Variants in PAPPA2 observed in about 807,000 individuals in gnomAD.
PAPPA2 encodes the protein pappalysin-2.
A neutral mutation model predicts 176.4 loss-of-function variants in PAPPA2; 86 were observed. The observed-to-expected ratio is 0.49, with a 90% CI of 0.41 to 0.58. The LOEUF is 0.58. Ranked by LOEUF, PAPPA2 falls within the 20% of genes least tolerant of loss-of-function variation. The probability of loss-of-function intolerance (pLI) is 0.00; values close to 1 mark genes in which losing one functional copy is unlikely to be tolerated. For synonymous variants in PAPPA2, 809 were observed against 852.2 expected (o/e 0.95, Z 0.88); for missense variants, 2,073 against 2,256.9 (o/e 0.92, Z 1.65).
intron 1 of PAPPA2, among the ~76,000 whole-genome samples, chr1:176,526,445 T>C (rs1460852937): frequency 2.0e-5 from 3 of 152,214 alleles, no homozygotes; most frequent in Non-Finnish European, 4.4e-5. Context: ...TTTGGGCTTG[T>C]TCTCTTTTGC....
chr1:176,748,370 A>T (rs757577639), intron 14 of PAPPA2, among the ~76,000 whole-genome samples: 1 of 152,240 alleles, frequency 6.6e-6, no homozygotes, highest in African/African-American at 2.4e-5. Flanking sequence ...AGGTCTTTTC[A>T]TAGAAATTCC....
At chr1:176,801,875 G>A (rs1665697289) in intron 21 of PAPPA2, among the ~76,000 whole-genome samples, 1 of 152,126 alleles carries the variant, frequency 6.6e-6, no homozygotes, top group South Asian at 2.1e-4. Context: ...CAGCACATCA[G>A]CGGGGTCACT....
intron 1 of PAPPA2, among the ~76,000 whole-genome samples, chr1:176,471,941 A>C (rs1015874903): frequency 3.3e-5 from 5 of 152,186 alleles, no homozygotes; most frequent in Non-Finnish European, 5.9e-5. Flanking sequence ...GGTGAAACTC[A>C]GAGTCTATCT....
intron 21 of PAPPA2, among the ~76,000 whole-genome samples, chr1:176,802,996 T>C (rs1665747728): frequency 6.6e-6 from 1 of 152,238 alleles, no homozygotes; most frequent in Non-Finnish European, 1.5e-5. Context: ...ACACGTATGC[T>C]ACATATCTGC....
intron 2 of PAPPA2, among the ~76,000 whole-genome samples, chr1:176,581,228 G>T (rs769672094): frequency 6.6e-6 from 1 of 151,958 alleles, no homozygotes; most frequent in Non-Finnish European, 1.5e-5. Flanking sequence ...TTTCCCTTCC[G>T]CAATCAATGT....
intron 17 of PAPPA2, 105 bp from the exon 18 acceptor site, chr1:176,789,704 G>A (rs987834296): frequency 5.3e-5 from 68 of 1,285,608 alleles, no homozygotes; most frequent in Non-Finnish European, 6.9e-5. Context: ...AGAACCATCT[G>A]TCCCTGCCTA....
chr1:176,474,165 A>T (rs1652009237), intron 1 of PAPPA2, among the ~76,000 whole-genome samples: 3 of 152,228 alleles, frequency 2.0e-5, no homozygotes, highest in Non-Finnish European at 2.9e-5. Flanking sequence ...TCATGTTATG[A>T]TGCAGTAACA....
chr1:176,775,900 T>A (rs551165100), intron 17 of PAPPA2, among the ~76,000 whole-genome samples: 21 of 152,322 alleles, frequency 1.4e-4, no homozygotes, highest in African/African-American at 4.8e-4. Context: ...TTAACACGTC[T>A]CTGAGACTTT....
chr1:176,659,622 A>G (rs773698061), intron 3 of PAPPA2, among the ~76,000 whole-genome samples: 1 of 152,148 alleles, frequency 6.6e-6, no homozygotes, highest in Admixed American at 6.6e-5. Flanking sequence ...TTCAAAAAAT[A>G]TAAGAACATT....
intron 12 of PAPPA2, among the ~76,000 whole-genome samples, chr1:176,715,768 A>T (rs1661341438): frequency 6.6e-6 from 1 of 152,114 alleles, no homozygotes; most frequent in Admixed American, 6.5e-5. Context: ...GACCCCTGGG[A>T]TGGCTTGGCC....
intron 17 of PAPPA2, among the ~76,000 whole-genome samples, chr1:176,778,047 T>TA (rs1664538555): frequency 7.0e-6 from 1 of 142,448 alleles, no homozygotes. Flanking sequence ...ACAAAACAAA[T>TA]TAAAAAAAAA....
chr1:176,488,695 A>ATGGT (rs1215119672), intron 1 of PAPPA2, among the ~76,000 whole-genome samples: 1 of 152,168 alleles, frequency 6.6e-6, no homozygotes, highest in Non-Finnish European at 1.5e-5. Flanking sequence ...TGAATGAAAC[A>ATGGT]TGGTTGTTCA....
intron 3 of PAPPA2, among the ~76,000 whole-genome samples, chr1:176,640,059 T>A (rs1339233262): frequency 1.3e-5 from 2 of 151,848 alleles, no homozygotes; most frequent in Non-Finnish European, 2.9e-5. Context: ...CTCAGGTTAT[T>A]CAAATTCAGA....
At chr1:176,653,740 T>A (rs374015541) in intron 3 of PAPPA2, among the ~76,000 whole-genome samples, 1 of 151,850 alleles carries the variant, frequency 6.6e-6, no homozygotes, top group South Asian at 2.1e-4. Flanking sequence ...CTCCGTCTCC[T>A]ACTCACTGCA....
chr1:176,758,260 T>A (rs1453344767), intron 14 of PAPPA2, among the ~76,000 whole-genome samples: 1 of 152,120 alleles, frequency 6.6e-6, no homozygotes, highest in Non-Finnish European at 1.5e-5. Flanking sequence ...CCAGCATTGG[T>A]CCTCCCAAGA....
chr1:176,797,714 T>C (rs935915609), intron 20 of PAPPA2, among the ~76,000 whole-genome samples: 4 of 152,046 alleles, frequency 2.6e-5, no homozygotes, highest in African/African-American at 9.7e-5. Flanking sequence ...GAGCCAGCCC[T>C]TCCCTGTCCA....
At chr1:176,666,600 T>TGA (rs1278287138) in intron 3 of PAPPA2, among the ~76,000 whole-genome samples, 6 of 129,100 alleles carry the variant, frequency 4.6e-5, no homozygotes, top group Admixed American at 7.5e-5. Flanking sequence ...TGTGTGTGTG[T>TGA]GTGTGTGTGA....
At chr1:176,827,727 C>A (rs775959328) in intron 21 of PAPPA2, among the ~76,000 whole-genome samples, 3 of 152,092 alleles carry the variant, frequency 2.0e-5, no homozygotes, top group East Asian at 3.9e-4. Flanking sequence ...CACCCAGGAA[C>A]CTTCTGTGGT....
intron 21 of PAPPA2, among the ~76,000 whole-genome samples, chr1:176,837,367 C>T (rs1466848157): frequency 2.0e-5 from 3 of 148,832 alleles, no homozygotes; most frequent in Non-Finnish European, 3.0e-5. Context: ...TGTGTGTGTG[C>T]GTGTGTGTGT....
Sources: allele counts gnomAD v4.1 joint callset (sites outside exome capture counted in the v4.1 genomes callset), GRCh38; gene constraint gnomAD v4.1.1; transcripts MANE v1.5; gene names NCBI Gene and HGNC (gene_info 2026-07-23, HGNC 2026-07-21).